TEAD4: variants seen among roughly 807,000 people sequenced by gnomAD.
TEAD4 encodes transcriptional enhancer factor TEF-3.
TEAD4 carries 36 observed loss-of-function variants against 52.4 expected under a neutral mutation model. The observed-to-expected ratio is 0.69, with a 90% CI of 0.53 to 0.91. The LOEUF is 0.91. Among genes scored for constraint, TEAD4 ranks in the 40% least tolerant of loss-of-function variants. The pLI, the probability that TEAD4 is intolerant of heterozygous loss-of-function variation, is 0.00. For synonymous variants in TEAD4, 220 were observed against 231.0 expected, an observed-to-expected ratio of 0.95 and a Z score of 0.43; for missense variants, 508 against 583.9, an observed-to-expected ratio of 0.87 and a Z score of 1.34.
chr12:2,996,412 C>CTT (rs34492810), intron 3 of TEAD4, among the ~76,000 whole-genome samples: 2 of 145,288 alleles, frequency 1.4e-5, no homozygotes, highest in Non-Finnish European at 3.0e-5. Context: ...CTCTCTCTCT[C>CTT]TTTTTTTTTT....
intron 10 of TEAD4, 110 bp downstream of exon 10, chr12:3,022,127 G>A: frequency 7.1e-7 from 1 of 1,412,282 alleles, no homozygotes; most frequent in South Asian, 1.3e-5. Context: ...TTGGGGAGGT[G>A]GCACCAGTGA....
intron 3 of TEAD4, among the ~76,000 whole-genome samples, chr12:3,006,707 T>A (rs56683034): frequency 0.047 from 7,077 of 149,502 alleles, 538 homozygotes; most frequent in African/African-American, 0.16. Flanking sequence ...ATAAAAATAA[T>A]CAAAAATAAA....
chr12:2,990,774 G>A (rs1317844278), intron 2 of TEAD4, among the ~76,000 whole-genome samples: 1 of 152,010 alleles, frequency 6.6e-6, no homozygotes, highest in East Asian at 1.9e-4. Context: ...CCCAGAGAAC[G>A]CCTGGCCCAG....
chr12:3,012,171 T>A lies in TEAD4; in HGVS notation c.293T>A (p.Val98Asp). 2 of 1,613,906 alleles carry A rather than the reference T, an allele frequency of 1.2e-6. No homozygotes were observed. Among genetic ancestry groups the A allele is most frequent in the Non-Finnish European group, 1.7e-6 (2 of 1,179,930 alleles). ...AGGAGTCCTCTCTCCCTGCCACAGGTCTCCAGCCACATCCAGGTGCTGGCT... is the reference window on the plus strand; with the variant it reads ...AGGAGTCCTCTCTCCCTGCCACAGGACTCCAGCCACATCCAGGTGCTGGCT... Residue 98 changes from valine (V) to aspartate (D), a missense_variant and splice_region_variant, in exon 5 of 13, where the codon GTC becomes GAC. Coordinates refer to ENST00000359864, the MANE Select transcript of TEAD4 (RefSeq NM_003213.4).
chr12:2,998,322 T>G (rs118028552), intron 3 of TEAD4, among the ~76,000 whole-genome samples: 1 of 152,070 alleles, frequency 6.6e-6, no homozygotes, highest in African/African-American at 2.4e-5. Flanking sequence ...CATATAAAGA[T>G]ACTGGGGTTA....
At chr12:2,987,456 A>G (rs571199188) in intron 2 of TEAD4, among the ~76,000 whole-genome samples, 2 of 151,138 alleles carry the variant, frequency 1.3e-5, no homozygotes, top group South Asian at 4.2e-4. Flanking sequence ...TTTTTTTGAG[A>G]CGGAGTCTCA....
intron 4 of TEAD4, 92 bp from the exon 5 acceptor site, chr12:3,012,078 T>A: frequency 7.7e-7 from 1 of 1,293,040 alleles, no homozygotes; most frequent in Non-Finnish European, 1.1e-6. Context: ...CAGATGTGGG[T>A]TGAGGGCTGT....
chr12:2,981,694 G>A lies in TEAD4; in HGVS notation c.-29-13044G>A, dbSNP rs1003370196. 3.3e-5 allele frequency among the ~76,000 whole-genome samples: 5 copies of A among 152,270 alleles called. No homozygotes were observed. In the East Asian group the frequency reaches 9.7e-4, roughly 29 times the overall value. On this transcript the variant is annotated intron_variant, in intron 2 of 12. Transcript: ENST00000359864. Reference sequence around the variant, plus strand: ...GAGTTAGTTGATGGACTGTTGGCAGGAATTAAATTAGTACTGAGGCCCACC... The same window carrying A: ...GAGTTAGTTGATGGACTGTTGGCAGAAATTAAATTAGTACTGAGGCCCACC...
intron 3 of TEAD4, among the ~76,000 whole-genome samples, chr12:3,006,967 G>A (rs2098256429): frequency 2.6e-5 from 4 of 152,188 alleles, no homozygotes; most frequent in South Asian, 4.2e-4. Flanking sequence ...TGGAGGTTGC[G>A]GTAAGCCGAG....
At chr12:2,961,735 G>C (rs990764653) in intron 2 of TEAD4, among the ~76,000 whole-genome samples, 2 of 152,226 alleles carry the variant, frequency 1.3e-5, no homozygotes, top group African/African-American at 4.8e-5. Context: ...CCATAGGATA[G>C]CTGTTGTATC....
In TEAD4 at chr12:2,986,436, G is replaced by A. The variant is rs144818066; in HGVS notation, c.-29-8302G>A. 2.2e-3 allele frequency among the ~76,000 whole-genome samples: 341 copies of A among 151,752 alleles called. 7 individuals are homozygous for A. In the East Asian group the frequency reaches 0.048, roughly 22 times the overall value. On this transcript the variant is annotated intron_variant, in intron 2 of 12. Coordinates refer to ENST00000359864, the MANE Select transcript of TEAD4 (RefSeq NM_003213.4). Reference sequence around the variant, plus strand: ...GCCAATCACCAGAGGTCAGGAGTTCGAGACCAGCCTGGCCAACATGGTGAA... The same window carrying A: ...GCCAATCACCAGAGGTCAGGAGTTCAAGACCAGCCTGGCCAACATGGTGAA...
At chr12:2,976,082 T>A (rs1049623044) in intron 2 of TEAD4, among the ~76,000 whole-genome samples, 2 of 151,780 alleles carry the variant, frequency 1.3e-5, no homozygotes, top group Non-Finnish European at 2.9e-5. Flanking sequence ...CTTGGCTCAC[T>A]GCAACTTCTG....
intron 5 of TEAD4, among the ~76,000 whole-genome samples, chr12:3,014,740 G>A (rs2098263011): frequency 6.6e-6 from 1 of 152,176 alleles, no homozygotes; most frequent in Non-Finnish European, 1.5e-5. Context: ...CCCGGCTACT[G>A]CTGTCACTCC....
In TEAD4 at chr12:3,027,800, G is replaced by A. The variant is rs542571618; in HGVS notation, c.897+5783G>A. Among the ~76,000 whole-genome samples, 14 of 152,326 alleles carry A rather than the reference G, an allele frequency of 9.2e-5. No homozygotes were observed. In the East Asian group the frequency reaches 2.7e-3, roughly 29 times the overall value. ...GAAGATCGCTTGAGCCTGGGAGGCA[G>A]AGGTTGTAGTAAGCTGAGATCACAC... is the stretch of plus-strand genomic sequence containing the variant. On this transcript the variant is annotated intron_variant, in intron 10 of 12. Coordinates refer to ENST00000359864, the MANE Select transcript of TEAD4 (RefSeq NM_003213.4).
At chr12:3,013,528 G>C (rs2098262069) in intron 5 of TEAD4, among the ~76,000 whole-genome samples, 1 of 152,136 alleles carries the variant, frequency 6.6e-6, no homozygotes, top group African/African-American at 2.4e-5. Context: ...GAGGTCAGGA[G>C]TTCAAGACCA....
Position 3,018,606 on chromosome 12 carries a change from T to A in TEAD4, c.527+18T>A. On this transcript the variant is annotated intron_variant, in intron 7 of 12. Coordinates refer to ENST00000359864, the MANE Select transcript of TEAD4 (RefSeq NM_003213.4). ...TCCCATGAGTGAGTATGGCCTCTGGTTTCTCTTGCCAGTTGCTCCCTGAAC... is the reference window on the plus strand; with the variant it reads ...TCCCATGAGTGAGTATGGCCTCTGGATTCTCTTGCCAGTTGCTCCCTGAAC... 1 of 1,613,996 alleles carries A rather than the reference T, an allele frequency of 6.2e-7. No homozygotes were observed. Among genetic ancestry groups the A allele is most frequent in the Non-Finnish European group, 8.5e-7 (1 of 1,179,914 alleles).
intron 2 of TEAD4, among the ~76,000 whole-genome samples, chr12:2,968,385 C>CTTTTTTTTTTTTTTTTTTTTTTTTTTTTT (rs61672018): frequency 1.8e-5 from 1 of 55,046 alleles, no homozygotes; most frequent in African/African-American, 6.6e-5. Context: ...CGCGCCCGGC[C>CTTTTTTTTTTTTTTTTTTTTTTTTTTTTT]TTTTTTTTTT....
intron 2 of TEAD4, among the ~76,000 whole-genome samples, chr12:2,970,729 T>C (rs1277798555): frequency 3.3e-5 from 5 of 152,212 alleles, no homozygotes; most frequent in Non-Finnish European, 7.3e-5. Flanking sequence ...GACAGCATCC[T>C]GATGACAAGA....
At chr12:3,020,326 T>C (rs1591591712) in intron 8 of TEAD4, among the ~76,000 whole-genome samples, 1 of 152,234 alleles carries the variant, frequency 6.6e-6, no homozygotes. Context: ...GTGCCTGTTC[T>C]GGAAGCCTCT....
Sources: allele counts gnomAD v4.1 joint callset (sites outside exome capture counted in the v4.1 genomes callset), GRCh38; gene constraint gnomAD v4.1.1; transcripts MANE v1.5; gene names NCBI Gene and HGNC (gene_info 2026-07-23, HGNC 2026-07-21).